RFTN2: variants seen among roughly 807,000 people sequenced by gnomAD.
The protein encoded by RFTN2 is raftlin-2.
In RFTN2, 34 loss-of-function variants were observed where a neutral mutation model predicts 52.7. That is an observed-to-expected ratio of 0.64 (90% CI 0.49 to 0.86). The LOEUF is 0.86. Among genes scored for constraint, RFTN2 ranks in the 40% least tolerant of loss-of-function variants. The pLI is 0.00. For missense variants in RFTN2, 536 were observed against 600.1 expected (o/e 0.89, Z 1.12); for synonymous variants, 203 against 217.7 (o/e 0.93, Z 0.59).
chr2:197,581,702 G>C (rs995702022), intron 8 of RFTN2, among the ~76,000 whole-genome samples: 3 of 151,976 alleles, frequency 2.0e-5, no homozygotes, highest in African/African-American at 7.3e-5. Context: ...TACCTACCTC[G>C]GCATAATTCT....
chr2:197,583,801 C>G (rs922864411), intron 8 of RFTN2, among the ~76,000 whole-genome samples: 1 of 152,014 alleles, frequency 6.6e-6, no homozygotes, highest in African/African-American at 2.4e-5. Flanking sequence ...CGACAGGCCC[C>G]GGTGTGTGAT....
chr2:197,670,703 T>G (rs1024704015), intron 1 of RFTN2, among the ~76,000 whole-genome samples: 3 of 150,958 alleles, frequency 2.0e-5, no homozygotes, highest in Non-Finnish European at 4.4e-5. Flanking sequence ...AATTCCTTCT[T>G]GAAATTTTCA....
chr2:197,586,928 C>A (rs1357197677), intron 8 of RFTN2, among the ~76,000 whole-genome samples: 9 of 152,116 alleles, frequency 5.9e-5, no homozygotes, highest in Non-Finnish European at 1.0e-4. Flanking sequence ...CATAAAAAAA[C>A]TCAAGGATAG....
At chr2:197,665,540 T>TTTTTTTTTTTTTTTTTTTTTG (rs1379369868) in intron 1 of RFTN2, among the ~76,000 whole-genome samples, 1 of 149,300 alleles carries the variant, frequency 6.7e-6, no homozygotes. Context: ...TTTTACTGTT[T>TTTTTTTTTTTTTTTTTTTTTG]TCGACTTACT....
At chr2:197,649,241 G>A (rs546496780) in intron 1 of RFTN2, among the ~76,000 whole-genome samples, 1 of 152,264 alleles carries the variant, frequency 6.6e-6, no homozygotes, top group South Asian at 2.1e-4. Flanking sequence ...TCATGGAAGT[G>A]GGGATGGTTA....
intron 8 of RFTN2, among the ~76,000 whole-genome samples, chr2:197,589,365 ACT>A (rs2087659716): frequency 6.6e-6 from 1 of 151,676 alleles, no homozygotes; most frequent in African/African-American, 2.4e-5. Context: ...GCCATGAGGA[ACT>A]CTGAGTCCAG....
intron 1 of RFTN2, among the ~76,000 whole-genome samples, chr2:197,657,418 T>C (rs2088909218): frequency 6.6e-6 from 1 of 152,132 alleles, no homozygotes; most frequent in Non-Finnish European, 1.5e-5. Context: ...AAAAGTGATC[T>C]AGTTTTCCTA....
intron 7 of RFTN2, among the ~76,000 whole-genome samples, chr2:197,601,116 T>C (rs17731449): frequency 0.43 from 66,068 of 151,978 alleles, 14,761 homozygotes; most frequent in Middle Eastern, 0.57. Flanking sequence ...TGGTTGAACA[T>C]TGTCAATGAG....
rs937791632 is a variant in RFTN2 at position 197,569,003 on chromosome 2, C to T, written c.*3005G>A. On this transcript the variant is annotated 3_prime_UTR_variant, in exon 9 of 9. Coordinates refer to ENST00000295049, the MANE Select transcript of RFTN2 (RefSeq NM_144629.3). ...CCCTAGAATCTCTCAAAGAGGGTGA[C>T]CTTTCCTTTTCTCTTTTACTGAAAT... is the stretch of plus-strand genomic sequence containing the variant. The T allele has an allele frequency of 5.3e-5, 8 of 152,206 alleles. No homozygotes were observed. The highest frequency in any genetic ancestry group is 2.6e-4 in the Admixed American group (4 of 15,272). The allele number at this position is 152,206 out of a possible 1,614,324, so 9.4% of individuals were successfully genotyped here. A position where few individuals can be genotyped will look rare whatever the true frequency, so the allele number is the denominator to read the frequency against.
intron 1 of RFTN2, among the ~76,000 whole-genome samples, chr2:197,653,822 A>G (rs552639740): frequency 6.6e-6 from 1 of 152,242 alleles, no homozygotes; most frequent in Middle Eastern, 3.4e-3. Flanking sequence ...CTCTCAACCA[A>G]CTGCTCATTG....
chr2:197,671,845 G>T (rs935023698), intron 1 of RFTN2, among the ~76,000 whole-genome samples: 3 of 151,994 alleles, frequency 2.0e-5, no homozygotes. Flanking sequence ...TACTCATAAA[G>T]CTATAAATGC....
At chr2:197,627,412 C>T (rs1218204624) in intron 5 of RFTN2, among the ~76,000 whole-genome samples, 2 of 152,174 alleles carry the variant, frequency 1.3e-5, no homozygotes, top group Non-Finnish European at 2.9e-5. Flanking sequence ...CCTGACTGCC[C>T]GATGCCATAC....
chr2:197,653,560 A>G (rs1018199052), intron 1 of RFTN2, among the ~76,000 whole-genome samples: 5 of 152,304 alleles, frequency 3.3e-5, no homozygotes, highest in African/African-American at 7.2e-5. Context: ...AAAAAAAAAA[A>G]AAGGCTAAAA....
At chr2:197,672,370 A>G (rs1370389468) in intron 1 of RFTN2, among the ~76,000 whole-genome samples, 1 of 152,234 alleles carries the variant, frequency 6.6e-6, no homozygotes, top group African/African-American at 2.4e-5. Context: ...TGGCCAGAAT[A>G]AGAAAAATGT....
chr2:197,605,557 C>T (rs2087949118), intron 7 of RFTN2, among the ~76,000 whole-genome samples: 1 of 152,138 alleles, frequency 6.6e-6, no homozygotes, highest in South Asian at 2.1e-4. Context: ...GGAATTCATT[C>T]ACCTGAATTC....
At chr2:197,586,513 C>A (rs1481778787) in intron 8 of RFTN2, among the ~76,000 whole-genome samples, 3 of 152,236 alleles carry the variant, frequency 2.0e-5, no homozygotes, top group Non-Finnish European at 4.4e-5. Context: ...TGGACAGGCA[C>A]ATGCACATTA....
At chr2:197,613,809 T>G (rs536662369) in intron 7 of RFTN2, among the ~76,000 whole-genome samples, 1 of 152,340 alleles carries the variant, frequency 6.6e-6, no homozygotes, top group African/African-American at 2.4e-5. Context: ...TGCACAATGC[T>G]CCTTGGCATA....
chr2:197,620,617 A>C (rs2045245), intron 5 of RFTN2, among the ~76,000 whole-genome samples: 106,492 of 152,104 alleles, frequency 0.7, 37,863 homozygotes, highest in Middle Eastern at 0.86. Flanking sequence ...TTTTTGACAT[A>C]ATTCATGGTT....
In RFTN2 at chr2:197,568,493, G is replaced by A. The variant is rs1480423161; in HGVS notation, c.*3515C>T. 6.6e-6 allele frequency: 1 copy of A among 152,094 alleles called. No individual in the cohort carries two copies. The highest frequency in any genetic ancestry group is 1.5e-5 in the Non-Finnish European group (1 of 68,030). 9.4% of individuals were successfully genotyped at this position (152,094 alleles called of 1,614,324 possible). ...TTACACAAATAAAATTCATTCTCAA[G>A]GGATGATAGATTACCAGCAAATGTT... is the stretch of plus-strand genomic sequence containing the variant. On this transcript the variant is annotated 3_prime_UTR_variant, in exon 9 of 9. Transcript: ENST00000295049.
Sources: allele counts gnomAD v4.1 joint callset (sites outside exome capture counted in the v4.1 genomes callset), GRCh38; gene constraint gnomAD v4.1.1; transcripts MANE v1.5; gene names NCBI Gene and HGNC (gene_info 2026-07-23, HGNC 2026-07-21).